The following DNAJC5B variants were observed in gnomAD, a reference collection of about 807,000 sequenced individuals.
DNAJC5B encodes the protein DnaJ heat shock protein family (Hsp40) member C5 beta.
A neutral mutation model predicts 24.7 loss-of-function variants in DNAJC5B; 23 were observed. That is an observed-to-expected ratio of 0.93 (90% CI 0.67 to 1.32). The LOEUF is 1.32. Ranked by LOEUF, DNAJC5B falls within the 40% of genes most tolerant of loss-of-function variation. The probability of loss-of-function intolerance (pLI) is 0.00; values close to 1 mark genes in which losing one functional copy is unlikely to be tolerated. For missense variants in DNAJC5B, 238 were observed against 240.8 expected, an observed-to-expected ratio of 0.99 and a Z score of 0.08; for synonymous variants, 101 against 90.1, an observed-to-expected ratio of 1.12 and a Z score of -0.68.
chr8:66,053,228 T>C (rs77662812), intron 3 of DNAJC5B, among the ~76,000 whole-genome samples: 2,181 of 152,360 alleles, frequency 0.014, 28 homozygotes, highest in Middle Eastern at 0.031. Flanking sequence ...CAGTTTCACA[T>C]TGAAGTCTAA....
At chr8:66,076,996 T>C (rs749179009) in intron 4 of DNAJC5B, 123 bp downstream of exon 4, 5 of 964,422 alleles carry the variant, frequency 5.2e-6, no homozygotes, top group Non-Finnish European at 7.8e-6. Flanking sequence ...TAAAAGGAGA[T>C]ATTGCTTCCA....
At chr8:66,045,498 A>G (rs930353599) in intron 2 of DNAJC5B, among the ~76,000 whole-genome samples, 1 of 152,184 alleles carries the variant, frequency 6.6e-6, no homozygotes. Context: ...TAAACCAAAG[A>G]ATTAGCTAGC....
At chr8:66,022,838 T>C (rs1334846181) in intron 1 of DNAJC5B, among the ~76,000 whole-genome samples, 2 of 152,196 alleles carry the variant, frequency 1.3e-5, no homozygotes, top group Non-Finnish European at 2.9e-5. Flanking sequence ...CACAATTAGG[T>C]TATGATCTAA....
At chr8:66,040,387 TA>T (rs58867549) in intron 1 of DNAJC5B, among the ~76,000 whole-genome samples, 27,614 of 146,692 alleles carry the variant, frequency 0.19, 4,590 homozygotes, top group African/African-American at 0.45. Context: ...AGACTCCATT[TA>T]AAAAAAAAAA....
At chr8:66,015,024 A>G in the DNAJC5B span, among the ~76,000 whole-genome samples, 2 of 152,144 alleles carry the variant, frequency 1.3e-5, no homozygotes, top group African/African-American at 4.8e-5. Context: ...TGAGGAGAGG[A>G]CACTTCCAAA....
intron 5 of DNAJC5B, among the ~76,000 whole-genome samples, chr8:66,088,174 G>A (rs1430803380): frequency 2.0e-5 from 3 of 152,152 alleles, no homozygotes; most frequent in South Asian, 2.1e-4. Context: ...CCAATACCAC[G>A]TGGAAGCCAC....
intron 3 of DNAJC5B, among the ~76,000 whole-genome samples, chr8:66,069,647 C>T (rs1014337229): frequency 1.3e-5 from 2 of 152,204 alleles, no homozygotes; most frequent in Non-Finnish European, 2.9e-5. Context: ...GGAGCTGGTA[C>T]CATTCCTTCT....
At chr8:66,078,543 G>T (rs1023385316) in intron 4 of DNAJC5B, among the ~76,000 whole-genome samples, 2 of 152,002 alleles carry the variant, frequency 1.3e-5, no homozygotes, top group African/African-American at 4.8e-5. Flanking sequence ...TGAATGAAAA[G>T]AAAAAGTTCA....
chr8:66,069,597 C>T (rs1055781757), intron 3 of DNAJC5B, among the ~76,000 whole-genome samples: 1 of 152,158 alleles, frequency 6.6e-6, no homozygotes, highest in Non-Finnish European at 1.5e-5. Context: ...AGTCCAGGAC[C>T]AGATGGATTC....
At chr8:66,044,714 A>G (rs1806688291) in intron 2 of DNAJC5B, among the ~76,000 whole-genome samples, 1 of 152,176 alleles carries the variant, frequency 6.6e-6, no homozygotes, top group African/African-American at 2.4e-5. Context: ...TGCAGCTAGA[A>G]AGTAATTTTA....
At position 66,051,639 on chromosome 8, in the gene DNAJC5B, C is replaced by T. The variant is rs926127903; in HGVS notation, c.92C>T (p.Ser31Leu). The T allele has an allele frequency of 3.7e-6, 6 of 1,612,450 alleles. No homozygotes were observed. In the African/African-American group the frequency reaches 6.7e-5, roughly 18 times the overall value. Residue 31 changes from serine to leucine, a missense_variant, in exon 3 of 6, where the codon TCA (serine) becomes TTA (leucine). Physicochemically the swap from Ser to Leu is moderately radical, Grantham distance 145. Transcript: ENST00000276570. ...ATTCTTGGTCTGCATAAGGGAGCATCAAATGAAGAAATTAAGAAAACCTAC... is the reference window on the plus strand; with the variant it reads ...ATTCTTGGTCTGCATAAGGGAGCATTAAATGAAGAAATTAAGAAAACCTAC... ...YEILGLHKGA[S>L]NEEIKKTYRK...
chr8:66,059,214 T>C (rs1245688744), intron 3 of DNAJC5B, among the ~76,000 whole-genome samples: 6 of 152,268 alleles, frequency 3.9e-5, no homozygotes, highest in Admixed American at 3.9e-4. Context: ...TGCTAGATCA[T>C]GTCACTTAAT....
chr8:66,057,593 C>A (rs1267767302), intron 3 of DNAJC5B: 1 of 152,148 alleles, frequency 6.6e-6, no homozygotes, highest in Admixed American at 6.5e-5. Flanking sequence ...AGAACTCCGA[C>A]AGGATAAACC....
chr8:66,050,274 C>T (rs1806817371), intron 2 of DNAJC5B, among the ~76,000 whole-genome samples: 1 of 152,064 alleles, frequency 6.6e-6, no homozygotes, highest in Admixed American at 6.5e-5. Flanking sequence ...TGACAGTGAC[C>T]AAAACCTAGC....
chr8:66,082,423 T>A (rs760484448), intron 5 of DNAJC5B, among the ~76,000 whole-genome samples: 11 of 152,134 alleles, frequency 7.2e-5, no homozygotes, highest in Non-Finnish European at 1.5e-4. Context: ...CACCAGGTCA[T>A]TTCAGTAGAC....
At chr8:66,030,460 C>T (rs1806334904) in intron 1 of DNAJC5B, among the ~76,000 whole-genome samples, 1 of 152,174 alleles carries the variant, frequency 6.6e-6, no homozygotes, top group Non-Finnish European at 1.5e-5. Context: ...TCAAGGCATA[C>T]TCATGTTGTC....
chr8:66,052,489 C>T (rs1290101679), intron 3 of DNAJC5B, among the ~76,000 whole-genome samples: 1 of 152,008 alleles, frequency 6.6e-6, no homozygotes, highest in African/African-American at 2.4e-5. Context: ...ATTACTACAA[C>T]CCAAACATAT....
intron 5 of DNAJC5B, among the ~76,000 whole-genome samples, chr8:66,086,124 A>G (rs534378849): frequency 1.8e-4 from 28 of 152,140 alleles, no homozygotes; most frequent in African/African-American, 6.7e-4. Context: ...TTCTTTTTAT[A>G]TTGCCTTTGT....
chr8:66,031,275 G>A (rs1416119036), intron 1 of DNAJC5B, among the ~76,000 whole-genome samples: 1 of 152,130 alleles, frequency 6.6e-6, no homozygotes, highest in Non-Finnish European at 1.5e-5. Flanking sequence ...TATTATAAAT[G>A]CTCATTTTAG....
Sources: allele counts gnomAD v4.1 joint callset (sites outside exome capture counted in the v4.1 genomes callset), GRCh38; gene constraint gnomAD v4.1.1; transcripts MANE v1.5; gene names NCBI Gene and HGNC (gene_info 2026-07-23, HGNC 2026-07-21).